Variants in CCDC192 observed in about 807,000 individuals in gnomAD.
CCDC192 encodes coiled-coil domain-containing protein 192.
chr5:127,781,104 T>C (rs1270596868), intron 3 of CCDC192, among the ~76,000 whole-genome samples: 1 of 152,208 alleles, frequency 6.6e-6, no homozygotes, highest in African/African-American at 2.4e-5. Context: ...CCCTACTTTA[T>C]GTTTTTGTTT....
intron 5 of CCDC192, among the ~76,000 whole-genome samples, chr5:127,810,550 G>A (rs1026034913): frequency 2.6e-5 from 4 of 152,138 alleles, no homozygotes; most frequent in African/African-American, 9.7e-5. Flanking sequence ...ATACTCACTT[G>A]TTAGAGGTAA....
chr5:127,831,645 GA>G (rs1244493406), intron 5 of CCDC192, among the ~76,000 whole-genome samples: 3 of 151,314 alleles, frequency 2.0e-5, no homozygotes, highest in Non-Finnish European at 4.4e-5. Context: ...TAAACAAAAT[GA>G]ATACATAAAG....
chr5:127,830,745 A>T (rs1326076244), intron 5 of CCDC192, among the ~76,000 whole-genome samples: 1 of 151,764 alleles, frequency 6.6e-6, no homozygotes, highest in African/African-American at 2.4e-5. Context: ...GATCAAGAAC[A>T]ATGCTAAAGG....
intron 3 of CCDC192, among the ~76,000 whole-genome samples, chr5:127,780,108 T>C (rs922394876): frequency 6.6e-6 from 1 of 152,118 alleles, no homozygotes; most frequent in African/African-American, 2.4e-5. Context: ...TATATCTATA[T>C]TTATCTATAT....
intron 5 of CCDC192, among the ~76,000 whole-genome samples, chr5:127,825,048 A>G (rs899474847): frequency 6.6e-6 from 1 of 152,226 alleles, no homozygotes; most frequent in Admixed American, 6.5e-5. Context: ...CATTTTGACC[A>G]GATTTTGATA....
At chr5:127,923,370 C>T (rs1753777236) in intron 6 of CCDC192, among the ~76,000 whole-genome samples, 1 of 151,188 alleles carries the variant, frequency 6.6e-6, no homozygotes, top group South Asian at 2.1e-4. Flanking sequence ...TGCTAATTTT[C>T]ATTAGTCTTT....
chr5:127,914,453 A>C (rs760352721), intron 6 of CCDC192, among the ~76,000 whole-genome samples: 1 of 152,196 alleles, frequency 6.6e-6, no homozygotes, highest in African/African-American at 2.4e-5. Flanking sequence ...ATAGCCTCCC[A>C]TCAGTTCATA....
chr5:127,822,977 C>T (rs1298197902), intron 5 of CCDC192, among the ~76,000 whole-genome samples: 2 of 152,126 alleles, frequency 1.3e-5, no homozygotes, highest in African/African-American at 4.8e-5. Context: ...AGAGAAAGAA[C>T]CAGGGCCCTC....
At chr5:127,803,965 G>A (rs531757078) in intron 5 of CCDC192, among the ~76,000 whole-genome samples, 2 of 152,168 alleles carry the variant, frequency 1.3e-5, no homozygotes, top group African/African-American at 4.8e-5. Context: ...AGTGAATTTT[G>A]GAAACCAGAA....
At chr5:127,735,329 A>G (rs1752909869) in intron 2 of CCDC192, among the ~76,000 whole-genome samples, 2 of 144,908 alleles carry the variant, frequency 1.4e-5, no homozygotes, top group Admixed American at 1.4e-4. Flanking sequence ...TGGTTACTGT[A>G]GCCTTGTAGT....
chr5:127,735,479 C>G (rs1262340634), intron 2 of CCDC192, among the ~76,000 whole-genome samples: 162 of 126,112 alleles, frequency 1.3e-3, no homozygotes, highest in African/African-American at 4.9e-3. Flanking sequence ...TCATTGGTAG[C>G]TTGATGGGGA....
intron 2 of CCDC192, among the ~76,000 whole-genome samples, chr5:127,711,437 T>C (rs1238433667): frequency 6.6e-6 from 1 of 152,188 alleles, no homozygotes; most frequent in Non-Finnish European, 1.5e-5. Context: ...AAAGTGACCT[T>C]AAAGTAGCTA....
At chr5:127,845,085 T>G (rs1750472990) in intron 5 of CCDC192, among the ~76,000 whole-genome samples, 1 of 152,200 alleles carries the variant, frequency 6.6e-6, no homozygotes, top group Non-Finnish European at 1.5e-5. Flanking sequence ...CTGGATGGAC[T>G]TGAAAAAGCA....
At chr5:127,774,154 C>T (rs1197703709) in intron 3 of CCDC192, among the ~76,000 whole-genome samples, 3 of 152,034 alleles carry the variant, frequency 2.0e-5, no homozygotes, top group Admixed American at 6.6e-5. Context: ...ATATATTCTG[C>T]ATACTAAACC....
chr5:127,935,974 C>A (rs1399057286), intron 6 of CCDC192, among the ~76,000 whole-genome samples: 1 of 152,112 alleles, frequency 6.6e-6, no homozygotes, highest in Non-Finnish European at 1.5e-5. Context: ...TGTGGTGGCT[C>A]ATGCCTGTAA....
intron 2 of CCDC192, among the ~76,000 whole-genome samples, chr5:127,711,566 A>G: frequency 6.6e-6 from 1 of 152,182 alleles, no homozygotes; most frequent in South Asian, 2.1e-4. Flanking sequence ...TGCTGGAAAC[A>G]TACATTTGGT....
intron 3 of CCDC192, among the ~76,000 whole-genome samples, chr5:127,774,465 C>A (rs1328615641): frequency 6.6e-6 from 1 of 152,172 alleles, no homozygotes; most frequent in African/African-American, 2.4e-5. Flanking sequence ...CAAGTTCTAA[C>A]ATGTTGGTTA....
chr5:127,840,876 G>T (rs1750252363), intron 5 of CCDC192, among the ~76,000 whole-genome samples: 1 of 152,190 alleles, frequency 6.6e-6, no homozygotes, highest in South Asian at 2.1e-4. Flanking sequence ...TTACCATGTG[G>T]GTTTTTAAGT....
chr5:127,908,144 CCA>C (rs1412542626), intron 6 of CCDC192, among the ~76,000 whole-genome samples: 2 of 152,166 alleles, frequency 1.3e-5, no homozygotes, highest in Non-Finnish European at 2.9e-5. Flanking sequence ...CACACACAGA[CCA>C]CACACATCTC....
Sources: allele counts gnomAD v4.1 joint callset (sites outside exome capture counted in the v4.1 genomes callset), GRCh38; gene constraint gnomAD v4.1.1; transcripts MANE v1.5; gene names NCBI Gene and HGNC (gene_info 2026-07-23, HGNC 2026-07-21).